The following CADPS variants were observed in gnomAD, a reference collection of about 807,000 sequenced individuals.
CADPS encodes calcium dependent secretion activator.
A neutral mutation model predicts 167.3 loss-of-function variants in CADPS; 57 were observed. The observed-to-expected ratio is 0.34, with a 90% confidence interval of 0.28 to 0.42. The LOEUF (loss-of-function observed/expected upper bound fraction) is 0.42. Ranked by LOEUF, CADPS falls within the 20% of genes least tolerant of loss-of-function variation. The pLI, the probability that CADPS is intolerant of heterozygous loss-of-function variation, is 1.00. For synonymous variants in CADPS, 676 were observed against 635.3 expected (o/e 1.06, Z -0.96); for missense variants, 1,414 against 1,738.1 (o/e 0.81, Z 3.32).
intron 3 of CADPS, among the ~76,000 whole-genome samples, chr3:62,720,358 G>A (rs554107297): frequency 3.5e-5 from 5 of 141,384 alleles, no homozygotes; most frequent in Middle Eastern, 3.6e-3. Flanking sequence ...TTTGAAACAC[G>A]GTATCGCTCT....
At chr3:62,591,382 AC>A (rs772320841) in intron 7 of CADPS, among the ~76,000 whole-genome samples, 8 of 151,958 alleles carry the variant, frequency 5.3e-5, no homozygotes, top group Non-Finnish European at 8.8e-5. Context: ...TCAGGAAAGG[AC>A]TCTCCAAGGA....
At chr3:62,871,864 C>T (rs2082690908) in intron 1 of CADPS, among the ~76,000 whole-genome samples, 2 of 151,958 alleles carry the variant, frequency 1.3e-5, no homozygotes, top group Non-Finnish European at 2.9e-5. Flanking sequence ...CTCTCTGTAC[C>T]GTATATCAAT....
At position 62,556,994 on chromosome 3, in the gene CADPS, A is replaced by AACACAC. The variant is rs56228621; in HGVS notation, c.1753+405_1753+410dup. ...AGCCCACACATCACTGGTGAAAAAC[A>AACACAC]ACACACACACACACACACACACACA... On this transcript the variant is annotated intron_variant, in intron 10 of 29. Transcript: ENST00000383710. 2.9e-3 allele frequency among the ~76,000 whole-genome samples: 423 copies of AACACAC among 143,620 alleles called. 1 individual carries two copies. Among genetic ancestry groups the AACACAC allele is most frequent in the African/African-American group, 7.1e-3 (265 of 37,548 alleles). The allele number at this position is 143,620 out of a possible 152,430, so 94.2% of individuals were successfully genotyped here.
At chr3:62,506,216 C>T (rs770298127) in intron 17 of CADPS, among the ~76,000 whole-genome samples, 13 of 152,002 alleles carry the variant, frequency 8.6e-5, no homozygotes, top group African/African-American at 2.9e-4. Flanking sequence ...GGTGAAACCT[C>T]GTCTCTATTA....
intron 5 of CADPS, among the ~76,000 whole-genome samples, chr3:62,646,161 CT>C (rs35748758): frequency 0.014 from 1,841 of 129,050 alleles, 15 homozygotes; most frequent in East Asian, 0.047. Flanking sequence ...GGAATTGGCT[CT>C]TTTTTTTTTT....
At chr3:62,856,139 A>G (rs971446312) in intron 1 of CADPS, among the ~76,000 whole-genome samples, 14 of 152,190 alleles carry the variant, frequency 9.2e-5, no homozygotes, top group African/African-American at 2.7e-4. Context: ...TGATAGGGAC[A>G]GAAGTGCTCA....
chr3:62,542,207 C>A (rs1260999338), intron 11 of CADPS, among the ~76,000 whole-genome samples: 1 of 152,106 alleles, frequency 6.6e-6, no homozygotes, highest in Non-Finnish European at 1.5e-5. Context: ...ATTTAGAGCA[C>A]AGTTATGGCT....
intron 17 of CADPS, among the ~76,000 whole-genome samples, chr3:62,508,282 A>AT (rs201202344): frequency 2.4e-3 from 365 of 152,028 alleles, no homozygotes; most frequent in African/African-American, 8.1e-3. Context: ...CTGACTACTC[A>AT]TTTTTTTTGA....
rs565778674 is a variant in CADPS, at chr3:62,441,923, A to G, written c.3670-3712T>C. Among the ~76,000 whole-genome samples, 81 of 152,306 alleles carry G rather than the reference A, an allele frequency of 5.3e-4. 1 individual carries two copies. The South Asian group carries it at 0.017, about 31-fold the overall frequency. On this transcript the variant is annotated intron_variant, in intron 27 of 29. Transcript: ENST00000383710. ...TTAGTCCATTGGTTTCCCAACTTGTACTACTTATCAGAATTATGTGAAGAA... is the reference window on the plus strand; with the variant it reads ...TTAGTCCATTGGTTTCCCAACTTGTGCTACTTATCAGAATTATGTGAAGAA...
intron 28 of CADPS, among the ~76,000 whole-genome samples, chr3:62,437,542 G>C (rs1431621235): frequency 6.6e-6 from 1 of 152,020 alleles, no homozygotes; most frequent in East Asian, 1.9e-4. Context: ...GTGGGCAGGG[G>C]GCGCCATGGT....
At chr3:62,683,350 G>A (rs375562647) in intron 3 of CADPS, among the ~76,000 whole-genome samples, 4 of 152,122 alleles carry the variant, frequency 2.6e-5, no homozygotes, top group East Asian at 1.9e-4. Flanking sequence ...TGGCCAAACC[G>A]ACTAAATATA....
intron 1 of CADPS, among the ~76,000 whole-genome samples, chr3:62,871,531 TA>T (rs2082629190): frequency 6.6e-6 from 1 of 152,142 alleles, no homozygotes; most frequent in African/African-American, 2.4e-5. Context: ...TATCTCATAT[TA>T]AAAAGATAGG....
At chr3:62,481,172 A>T (rs1247921357) in intron 22 of CADPS, among the ~76,000 whole-genome samples, 1 of 152,268 alleles carries the variant, frequency 6.6e-6, no homozygotes, top group Non-Finnish European at 1.5e-5. Flanking sequence ...CATAACATTT[A>T]TGTGACTAAG....
chr3:62,629,255 A>T (rs1373856599), intron 6 of CADPS, among the ~76,000 whole-genome samples: 1 of 152,190 alleles, frequency 6.6e-6, no homozygotes, highest in Non-Finnish European at 1.5e-5. Flanking sequence ...AACCCCAAAA[A>T]GATCCTTTGT....
intron 9 of CADPS, among the ~76,000 whole-genome samples, chr3:62,565,338 T>C (rs1386602570): frequency 6.6e-6 from 1 of 152,166 alleles, no homozygotes; most frequent in Non-Finnish European, 1.5e-5. Flanking sequence ...ATTTAGCTAC[T>C]CTGATGCTCG....
chr3:62,495,665 A>C (rs2064594596), intron 18 of CADPS, among the ~76,000 whole-genome samples: 1 of 152,182 alleles, frequency 6.6e-6, no homozygotes, highest in Admixed American at 6.5e-5. Flanking sequence ...GTATATATGT[A>C]CTCCTCTATA....
chr3:62,870,778 C>T (rs1219732548), intron 1 of CADPS, among the ~76,000 whole-genome samples: 2 of 152,086 alleles, frequency 1.3e-5, no homozygotes, highest in Non-Finnish European at 2.9e-5. Flanking sequence ...ACATGAATTG[C>T]TAACAGTGCC....
At chr3:62,834,170 C>T (rs537531697) in intron 1 of CADPS, among the ~76,000 whole-genome samples, 61 of 152,212 alleles carry the variant, frequency 4.0e-4, no homozygotes, top group African/African-American at 1.3e-3. Context: ...GGGTGCTGTT[C>T]AGACCCCATA....
At chr3:62,776,413 G>A (rs1275378341) in intron 1 of CADPS, among the ~76,000 whole-genome samples, 1 of 152,132 alleles carries the variant, frequency 6.6e-6, no homozygotes, top group Non-Finnish European at 1.5e-5. Flanking sequence ...CCAGCACTTC[G>A]GCGGGCCGAA....
Sources: gnomAD v4.1 joint callset for allele counts (sites outside exome capture counted in the v4.1 genomes callset) on GRCh38, gnomAD v4.1.1 for gene constraint, MANE v1.5 for transcripts, NCBI Gene and HGNC (gene_info 2026-07-23, HGNC 2026-07-21) for gene names.